CACNA1A: variants seen among roughly 807,000 people sequenced by gnomAD.
CACNA1A encodes the protein voltage-dependent P/Q-type calcium channel subunit alpha-1A.
A neutral mutation model predicts 262.4 loss-of-function variants in CACNA1A; 57 were observed. That is an observed-to-expected ratio of 0.22 (90% CI 0.18 to 0.27). The LOEUF (loss-of-function observed/expected upper bound fraction) is 0.27, where lower values mean the gene tolerates loss of function less well. Among genes scored for constraint, CACNA1A ranks in the 10% least tolerant of loss-of-function variants. The pLI is 1.00. For missense variants in CACNA1A, 2,526 were observed against 3,562.8 expected (o/e 0.71, Z 7.41); for synonymous variants, 1,431 against 1,419.3 (o/e 1.01, Z -0.18).
intron 3 of CACNA1A, among the ~76,000 whole-genome samples, chr19:13,403,691 G>T (rs762026585): frequency 1.3e-5 from 2 of 152,124 alleles, no homozygotes; most frequent in African/African-American, 2.4e-5. Context: ...ATCCCAGCAT[G>T]TTGGAAGGCC....
intron 3 of CACNA1A, among the ~76,000 whole-genome samples, chr19:13,381,424 A>T (rs917570999): frequency 4.6e-5 from 7 of 150,622 alleles, no homozygotes. Context: ...TATTTTGCAC[A>T]TGGTTTTCCT....
intron 3 of CACNA1A, among the ~76,000 whole-genome samples, chr19:13,378,239 T>C (rs1174485492): frequency 6.6e-6 from 1 of 152,226 alleles, no homozygotes; most frequent in East Asian, 1.9e-4. Flanking sequence ...TTACTTGTTA[T>C]GGAAGAGCAA....
intron 3 of CACNA1A, among the ~76,000 whole-genome samples, chr19:13,425,656 A>C (rs534613297): frequency 7.2e-5 from 11 of 152,328 alleles, no homozygotes; most frequent in African/African-American, 2.6e-4. Flanking sequence ...CTAAAAGTCT[A>C]AGATGGTCCT....
At position 13,255,076 on chromosome 19, in the gene CACNA1A, G is replaced by T. The variant is rs769271688; in HGVS notation, c.4755+19C>A. The stretch of plus-strand genomic sequence containing the variant: ...AGGTGGGGGTTAAGTAGTGCTGGGG[G>T]CTGGTGTGGGGCACTTACCTTCATC... On this transcript the variant is annotated intron_variant, in intron 29 of 46. Coordinates refer to ENST00000360228, the MANE Select transcript of CACNA1A (RefSeq NM_001127222.2). 6.2e-7 allele frequency: 1 copy of T among 1,612,818 alleles called. No homozygotes were observed. Among genetic ancestry groups the T allele is most frequent in the East Asian group, 2.2e-5 (1 of 44,870 alleles).
rs1332750814 is a variant in CACNA1A, at chr19:13,210,791, G to A, written c.6304-139C>T. ...AGTGGCACTGGCATCAAGAGAAATC[G>A]GAGGGAGAAGGCAGGGAGGAAAAGA... is the stretch of plus-strand genomic sequence containing the variant. On this transcript the variant is annotated intron_variant, in intron 43 of 46. Transcript: ENST00000360228. The A allele has an allele frequency of 1.1e-5, 10 of 879,660 alleles. No individual in the cohort carries two copies. The Admixed American group carries it at 1.2e-4, about 11-fold the overall frequency. 54.5% of individuals were successfully genotyped at this position (879,660 alleles called of 1,614,324 possible).
At chr19:13,443,045 T>G (rs1204396717) in intron 3 of CACNA1A, among the ~76,000 whole-genome samples, 1 of 124,954 alleles carries the variant, frequency 8.0e-6, no homozygotes, top group African/African-American at 2.9e-5. Flanking sequence ...GAAATTTGTT[T>G]TATTTATTTT....
At chr19:13,464,898 CCTTTTCTTTT>C (rs921398849) in intron 1 of CACNA1A, among the ~76,000 whole-genome samples, 3 of 151,584 alleles carry the variant, frequency 2.0e-5, no homozygotes, top group African/African-American at 7.3e-5. Context: ...TCTTTTCTTT[CCTTTTCTTTT>C]GGTTTCTTTT....
At chr19:13,501,349 T>C (rs1381762953) in intron 1 of CACNA1A, among the ~76,000 whole-genome samples, 1 of 151,996 alleles carries the variant, frequency 6.6e-6, no homozygotes, top group African/African-American at 2.4e-5. Flanking sequence ...CTAATTTTTG[T>C]ATTTTTAGTA....
intron 10 of CACNA1A, among the ~76,000 whole-genome samples, chr19:13,328,164 C>T (rs2058400095): frequency 6.6e-6 from 1 of 152,134 alleles, no homozygotes; most frequent in African/African-American, 2.4e-5. Flanking sequence ...ACTGGCCTCC[C>T]AAAGCAGTGG....
chr19:13,277,174 C>A, intron 22 of CACNA1A, 46 bp from the exon 23 acceptor site: 1 of 1,372,042 alleles, frequency 7.3e-7, no homozygotes, highest in Non-Finnish European at 1.0e-6. Context: ...TGGCCTGTTC[C>A]AGCAGAGCCC....
At chr19:13,503,693 AC>A (rs1250915082) in intron 1 of CACNA1A, among the ~76,000 whole-genome samples, 8 of 135,426 alleles carry the variant, frequency 5.9e-5, no homozygotes, top group Non-Finnish European at 9.3e-5. Flanking sequence ...GTCCTGGATG[AC>A]CCAGCTCGAT....
chr19:13,377,723 T>G (rs2059444009), intron 3 of CACNA1A, among the ~76,000 whole-genome samples: 1 of 152,156 alleles, frequency 6.6e-6, no homozygotes, highest in Non-Finnish European at 1.5e-5. Flanking sequence ...GTCTTATGAT[T>G]TAAGGGATAC....
chr19:13,460,121 T>A (rs1459517404), intron 1 of CACNA1A, among the ~76,000 whole-genome samples: 1 of 152,016 alleles, frequency 6.6e-6, no homozygotes, highest in African/African-American at 2.4e-5. Context: ...TCTGCAACAA[T>A]GACCTCAGAC....
At chr19:13,359,061 A>G (rs896619917) in intron 6 of CACNA1A, among the ~76,000 whole-genome samples, 5 of 152,176 alleles carry the variant, frequency 3.3e-5, no homozygotes, top group African/African-American at 1.2e-4. Flanking sequence ...ACAGATCCAT[A>G]TGAGAATTGC....
intron 3 of CACNA1A, among the ~76,000 whole-genome samples, chr19:13,449,311 A>C (rs912188222): frequency 2.0e-5 from 3 of 151,656 alleles, no homozygotes; most frequent in Non-Finnish European, 4.4e-5. Flanking sequence ...ACAACAACAA[A>C]AAACATTTTT....
rs551956807 is a variant in CACNA1A at position 13,466,931 on chromosome 19, G to A, written c.294-11719C>T. 9.8e-5 allele frequency among the ~76,000 whole-genome samples: 13 copies of A among 132,704 alleles called. No individual in the cohort carries two copies. The East Asian group carries it at 2.3e-3, about 23-fold the overall frequency. 87.1% of individuals were successfully genotyped at this position (132,704 alleles called of 152,430 possible). A position where few individuals can be genotyped will look rare whatever the true frequency, so the allele number is the denominator to read the frequency against. ...TTATTTATTTGTAGAGATGGGTCTCGCTATGTTGCCCAGGCTAGTCTCAAA... is the reference window on the plus strand; with the variant it reads ...TTATTTATTTGTAGAGATGGGTCTCACTATGTTGCCCAGGCTAGTCTCAAA... On this transcript the variant is annotated intron_variant, in intron 1 of 46. Transcript: ENST00000360228.
chr19:13,452,237 G>A (rs551150894), intron 3 of CACNA1A: 1 of 152,154 alleles, frequency 6.6e-6, no homozygotes, highest in African/African-American at 2.4e-5. Flanking sequence ...CCTCATACAG[G>A]GTGCTTAGAG....
intron 1 of CACNA1A, among the ~76,000 whole-genome samples, chr19:13,458,723 G>A (rs1427849910): frequency 6.6e-6 from 1 of 152,080 alleles, no homozygotes; most frequent in African/African-American, 2.4e-5. Flanking sequence ...AGGTGGGGAG[G>A]GTCTATCTTG....
chr19:13,216,438 A>T (rs1276347632), intron 38 of CACNA1A, among the ~76,000 whole-genome samples: 1 of 43,880 alleles, frequency 2.3e-5, no homozygotes, highest in Non-Finnish European at 3.9e-5. Flanking sequence ...TCAGAGTTCA[A>T]GCGATTCTCC....
Sources: allele counts gnomAD v4.1 joint callset (sites outside exome capture counted in the v4.1 genomes callset), GRCh38; gene constraint gnomAD v4.1.1; transcripts MANE v1.5; gene names NCBI Gene and HGNC (gene_info 2026-07-23, HGNC 2026-07-21).